FLRT2: variants seen among roughly 807,000 people sequenced by gnomAD.
The protein encoded by FLRT2 is leucine-rich repeat transmembrane protein FLRT2.
In FLRT2, 15 loss-of-function variants were observed where a neutral mutation model predicts 40.0. The observed-to-expected ratio is 0.38, with a 90% CI of 0.25 to 0.58. The LOEUF is 0.58. Among genes scored for constraint, FLRT2 ranks in the 20% least tolerant of loss-of-function variants. The pLI is 0.71. For missense variants in FLRT2, 726 were observed against 840.0 expected, an observed-to-expected ratio of 0.86 and a Z score of 1.68; for synonymous variants, 380 against 336.8, an observed-to-expected ratio of 1.13 and a Z score of -1.41.
At chr14:85,607,432 A>G (rs1892671812) in intron 1 of FLRT2, among the ~76,000 whole-genome samples, 1 of 152,160 alleles carries the variant, frequency 6.6e-6, no homozygotes. Flanking sequence ...CATTTTTGTT[A>G]ATGGATTGTC....
chr14:85,622,285 C>G lies in FLRT2; in HGVS notation c.771C>G (p.Leu257=), dbSNP rs764530673. 17 of 1,614,166 alleles carry G rather than the reference C, an allele frequency of 1.1e-5. No homozygotes were observed. Among genetic ancestry groups the G allele is most frequent in the African/African-American group, 2.7e-5 (2 of 75,030 alleles). ...PDLPGTHLIR[L]YLQDNQINHI... is the part of the protein sequence containing the mutation. ...TCCCAGGTACGCATCTGATCAGGCT[C>G]TATTTGCAGGACAACCAGATAAACC... Residue 257 remains leucine, a synonymous_variant, in exon 2 of 2, where the codon CTC becomes CTG. Coordinates refer to ENST00000330753, the MANE Select transcript of FLRT2 (RefSeq NM_013231.6).
At chr14:85,586,713 C>T (rs1398239222) in intron 1 of FLRT2, among the ~76,000 whole-genome samples, 1 of 149,118 alleles carries the variant, frequency 6.7e-6, no homozygotes, top group Non-Finnish European at 1.5e-5. Flanking sequence ...CACACACACA[C>T]ATATCTCAAA....
chr14:85,550,457 G>A (rs750446468), intron 1 of FLRT2, among the ~76,000 whole-genome samples: 2 of 152,192 alleles, frequency 1.3e-5, no homozygotes, highest in Non-Finnish European at 2.9e-5. Context: ...AAAATGTGAC[G>A]TGATATGAGA....
chr14:85,541,223 T>C (rs1888968675), intron 1 of FLRT2, among the ~76,000 whole-genome samples: 1 of 152,172 alleles, frequency 6.6e-6, no homozygotes, highest in Non-Finnish European at 1.5e-5. Context: ...GAAGGAGATA[T>C]TCTTATGGAG....
intron 1 of FLRT2, among the ~76,000 whole-genome samples, chr14:85,599,485 T>G (rs1424551167): frequency 6.6e-6 from 1 of 152,150 alleles, no homozygotes. Context: ...TGTGACCTAG[T>G]GAAGTTAAAT....
chr14:85,626,659 G>C lies in FLRT2; in HGVS notation c.*3162G>C, dbSNP rs1447368956. On this transcript the variant is annotated 3_prime_UTR_variant, in exon 2 of 2. Transcript: ENST00000330753. ...CAGATGCATTAGCAGCCCACTGCAT[G>C]GGACAATCGCAGGCAGATACGAGGA... 2 of 167,056 alleles carry C rather than the reference G, an allele frequency of 1.2e-5. No homozygotes were observed. Among genetic ancestry groups the C allele is most frequent in the African/African-American group, 4.8e-5 (2 of 41,450 alleles). The allele number at this position is 167,056 out of a possible 1,614,324, so 10.3% of individuals were successfully genotyped here.
chr14:85,589,444 G>A (rs922839950), intron 1 of FLRT2, among the ~76,000 whole-genome samples: 8 of 152,084 alleles, frequency 5.3e-5, no homozygotes, highest in East Asian at 3.9e-4. Context: ...TCTTTTGCCC[G>A]TGTTTTGATT....
intron 1 of FLRT2, among the ~76,000 whole-genome samples, chr14:85,608,147 A>G (rs1010116603): frequency 6.6e-6 from 1 of 152,132 alleles, no homozygotes; most frequent in Admixed American, 6.5e-5. Flanking sequence ...GGGGGTTAGG[A>G]CTTCAACATA....
At chr14:85,578,173 A>AATATAT (rs1410843015) in intron 1 of FLRT2, among the ~76,000 whole-genome samples, 3 of 135,978 alleles carry the variant, frequency 2.2e-5, no homozygotes, top group South Asian at 2.4e-4. Context: ...TATATATAAA[A>AATATAT]ATATCTTTAT....
At chr14:85,619,343 C>T (rs943499809) in intron 1 of FLRT2, among the ~76,000 whole-genome samples, 2 of 152,160 alleles carry the variant, frequency 1.3e-5, no homozygotes, top group Admixed American at 1.3e-4. Flanking sequence ...CCTCAGCCTC[C>T]CAAAGTGCTG....
chr14:85,587,961 T>A (rs11849838), intron 1 of FLRT2, among the ~76,000 whole-genome samples: 36 of 151,904 alleles, frequency 2.4e-4, no homozygotes, highest in Admixed American at 4.6e-4. Context: ...AGATGGAGTC[T>A]TGCTCTGTCT....
At chr14:85,540,602 G>T (rs1163569302) in intron 1 of FLRT2, among the ~76,000 whole-genome samples, 5 of 152,084 alleles carry the variant, frequency 3.3e-5, no homozygotes, top group Admixed American at 6.5e-5. Flanking sequence ...GTTGGATCCC[G>T]ATTCTTGGCC....
At chr14:85,606,460 G>T (rs1892617621) in intron 1 of FLRT2, among the ~76,000 whole-genome samples, 1 of 151,364 alleles carries the variant, frequency 6.6e-6, no homozygotes, top group Non-Finnish European at 1.5e-5. Context: ...GAATTAGGTA[G>T]CAAATCTCAA....
rs114314988 is a variant in FLRT2, at chr14:85,587,267, T to C, written c.-376-33872T>C. Among the ~76,000 whole-genome samples the C allele has an allele frequency of 1.7e-3, 259 of 149,902 alleles. 1 individual carries two copies. The highest frequency in any genetic ancestry group is 5.7e-3 in the African/African-American group (233 of 40,686). On this transcript the variant is annotated intron_variant, in intron 1 of 1. Transcript: ENST00000330753. ...CCTTGAAACTGCTTTGTCATCCAGT[T>C]TGTAGCTGGCTAAGGAATGGAAAAA...
chr14:85,585,038 G>A (rs748108728), intron 1 of FLRT2, among the ~76,000 whole-genome samples: 18 of 152,108 alleles, frequency 1.2e-4, no homozygotes, highest in Middle Eastern at 3.2e-3. Flanking sequence ...ATTTAACTTG[G>A]CACCAAGAAA....
intron 1 of FLRT2, among the ~76,000 whole-genome samples, chr14:85,535,952 C>T (rs1469940164): frequency 9.6e-6 from 1 of 104,544 alleles, no homozygotes; most frequent in Admixed American, 1.4e-4. Context: ...TGTTTTAAAG[C>T]CCATGTCTTA....
chr14:85,561,209 A>C (rs908367733), intron 1 of FLRT2: 4 of 152,146 alleles, frequency 2.6e-5, no homozygotes, highest in African/African-American at 4.8e-5. Flanking sequence ...CTATCTCCTG[A>C]GCAGTGTGTA....
chr14:85,532,364 G>A (rs997577056), intron 1 of FLRT2, among the ~76,000 whole-genome samples: 23 of 152,222 alleles, frequency 1.5e-4, no homozygotes, highest in Admixed American at 6.5e-4. Flanking sequence ...CTGGAGGCAG[G>A]AAGAGCAGCA....
intron 1 of FLRT2, among the ~76,000 whole-genome samples, chr14:85,574,920 CA>C (rs751615523): frequency 1.9e-4 from 29 of 152,136 alleles, no homozygotes; most frequent in Non-Finnish European, 3.5e-4. Context: ...TTACCCAGGA[CA>C]TACCAAACAA....
Sources: gnomAD v4.1 joint callset for allele counts (sites outside exome capture counted in the v4.1 genomes callset) on GRCh38, gnomAD v4.1.1 for gene constraint, MANE v1.5 for transcripts, NCBI Gene and HGNC (gene_info 2026-07-23, HGNC 2026-07-21) for gene names.